DOK5: variants seen among roughly 807,000 people sequenced by gnomAD.
The protein encoded by DOK5 is docking protein 5.
In DOK5, 27 loss-of-function variants were observed where a neutral mutation model predicts 43.3. The observed-to-expected ratio is 0.62, with a 90% CI of 0.46 to 0.86. The LOEUF (loss-of-function observed/expected upper bound fraction) is 0.86, where lower values mean the gene tolerates loss of function less well. DOK5 is among the 40% of genes least tolerant of loss of function. The pLI, the probability that DOK5 is intolerant of heterozygous loss-of-function variation, is 0.00. For missense variants in DOK5, 373 were observed against 392.9 expected, an observed-to-expected ratio of 0.95 and a Z score of 0.43; for synonymous variants, 146 against 140.1, an observed-to-expected ratio of 1.04 and a Z score of -0.30.
intron 5 of DOK5, among the ~76,000 whole-genome samples, chr20:54,597,214 C>T (rs1476161525): frequency 2.0e-5 from 3 of 152,118 alleles, no homozygotes; most frequent in Non-Finnish European, 4.4e-5. Flanking sequence ...ACAATAGTGC[C>T]GATTTCCAGA....
intron 1 of DOK5, among the ~76,000 whole-genome samples, chr20:54,488,733 C>A (rs968250184): frequency 1.4e-4 from 20 of 147,628 alleles, no homozygotes; most frequent in Admixed American, 1.4e-4. Context: ...TGCTTATGTG[C>A]TTTTCCTCCC....
chr20:54,623,572 T>TTTTTTA (rs1409050759), intron 6 of DOK5, among the ~76,000 whole-genome samples: 4 of 152,080 alleles, frequency 2.6e-5, no homozygotes, highest in African/African-American at 4.8e-5. Flanking sequence ...GATTTCGTCT[T>TTTTTTA]TTTTTATTTT....
At chr20:54,485,921 C>A (rs777178958) in intron 1 of DOK5, among the ~76,000 whole-genome samples, 4 of 152,136 alleles carry the variant, frequency 2.6e-5, no homozygotes, top group Admixed American at 6.5e-5. Context: ...TGTTGAGCAT[C>A]TTTTCATGTT....
rs532846567 is a variant in DOK5 at position 54,540,624 on chromosome 20, T to C, written c.67-14309T>C. On this transcript the variant is annotated intron_variant, in intron 1 of 7. Coordinates refer to ENST00000262593, the MANE Select transcript of DOK5 (RefSeq NM_018431.5). ...CAACCTCCTGGGATCAATTGATCCTTCCCCACCTCAGCCTCCCAAGTAGCT... is the reference window on the plus strand; with the variant it reads ...CAACCTCCTGGGATCAATTGATCCTCCCCCACCTCAGCCTCCCAAGTAGCT... Among the ~76,000 whole-genome samples, 370 of 152,122 alleles carry C rather than the reference T, an allele frequency of 2.4e-3. 1 individual carries two copies. The highest frequency in any genetic ancestry group is 3.7e-3 in the Non-Finnish European group (252 of 67,958).
chr20:54,602,797 C>T (rs575733612), intron 5 of DOK5, among the ~76,000 whole-genome samples: 1 of 152,132 alleles, frequency 6.6e-6, no homozygotes, highest in Non-Finnish European at 1.5e-5. Flanking sequence ...CCTCAGCCTC[C>T]CGAGTAGCTG....
rs758504848 is a variant in DOK5, at chr20:54,476,147, C to G, written c.66+135C>G. 13 of 1,528,354 alleles carry G rather than the reference C, an allele frequency of 8.5e-6. No individual in the cohort carries two copies. The Admixed American group carries it at 1.4e-4, about 17-fold the overall frequency. 94.7% of individuals were successfully genotyped at this position (1,528,354 alleles called of 1,614,324 possible). A position where few individuals can be genotyped will look rare whatever the true frequency, so the allele number is the denominator to read the frequency against. ...GCGCGGTGGCTTTCTCAGCCGAAAC[C>G]CGCGTCTCCGGGGCTGTCACTGTAA... On this transcript the variant is annotated intron_variant, in intron 1 of 7. Transcript: ENST00000262593.
At chr20:54,535,264 C>T (rs1378363344) in intron 1 of DOK5, among the ~76,000 whole-genome samples, 3 of 151,958 alleles carry the variant, frequency 2.0e-5, no homozygotes, top group South Asian at 4.2e-4. Flanking sequence ...CCCCTTCTGC[C>T]CTTTTCTGGC....
At chr20:54,479,515 G>A (rs528270327) in intron 1 of DOK5, among the ~76,000 whole-genome samples, 2 of 152,312 alleles carry the variant, frequency 1.3e-5, no homozygotes, top group South Asian at 2.1e-4. Context: ...GACTTAGATA[G>A]CATCATATAA....
At chr20:54,630,657 C>T (rs1978521390) in intron 6 of DOK5, among the ~76,000 whole-genome samples, 1 of 152,128 alleles carries the variant, frequency 6.6e-6, no homozygotes, top group Non-Finnish European at 1.5e-5. Context: ...TTTTTACGAT[C>T]GTTTCATATC....
intron 1 of DOK5, among the ~76,000 whole-genome samples, chr20:54,522,315 C>T (rs917438504): frequency 2.6e-5 from 4 of 152,104 alleles, no homozygotes; most frequent in South Asian, 4.1e-4. Flanking sequence ...GACCATGGGT[C>T]GCAGGTTAGA....
At chr20:54,568,368 C>T (rs1362918924) in intron 2 of DOK5, among the ~76,000 whole-genome samples, 8 of 152,180 alleles carry the variant, frequency 5.3e-5, no homozygotes, top group Admixed American at 4.6e-4. Context: ...AACACTTAAA[C>T]ATAATCCAAG....
chr20:54,617,973 G>C (rs1398625583), intron 6 of DOK5, among the ~76,000 whole-genome samples: 2 of 152,072 alleles, frequency 1.3e-5, no homozygotes. Flanking sequence ...AGATTCATTT[G>C]TTCACTCTCA....
chr20:54,601,397 A>G (rs889223766), intron 5 of DOK5, among the ~76,000 whole-genome samples: 1 of 152,258 alleles, frequency 6.6e-6, no homozygotes, highest in Non-Finnish European at 1.5e-5. Flanking sequence ...GACAGATCAT[A>G]TCATAAAGCA....
Position 54,558,435 on chromosome 20 carries a change from C to T in DOK5, c.174+3395C>T, listed in dbSNP as rs535980615. The stretch of plus-strand genomic sequence containing the variant: ...AATGGAAGAATTATCTACATTTAGC[C>T]TCCAAGCCCTTGATGAATTCCTGTA... On this transcript the variant is annotated intron_variant, in intron 2 of 7. Transcript: ENST00000262593. 2.0e-5 allele frequency among the ~76,000 whole-genome samples: 3 copies of T among 152,252 alleles called. No homozygotes were observed. The East Asian group carries it at 5.8e-4, about 29-fold the overall frequency.
chr20:54,533,922 C>T (rs1013629431), intron 1 of DOK5, among the ~76,000 whole-genome samples: 11 of 151,942 alleles, frequency 7.2e-5, no homozygotes, highest in Non-Finnish European at 1.3e-4. Flanking sequence ...TTTCAGCTAG[C>T]AGTATTTATA....
In DOK5 at chr20:54,546,506, G is replaced by A. The variant is rs189210567; in HGVS notation, c.67-8427G>A. 5.7e-3 allele frequency among the ~76,000 whole-genome samples: 868 copies of A among 151,810 alleles called. 7 individuals are homozygous for A. Among genetic ancestry groups the A allele is most frequent in the South Asian group, 0.026 (126 of 4,796 alleles). On this transcript the variant is annotated intron_variant, in intron 1 of 7. Coordinates refer to ENST00000262593, the MANE Select transcript of DOK5 (RefSeq NM_018431.5). ...GTTGGTGTGCTGCACCCATTAACTC[G>A]TCATTTACATTAGGTATATCTCCTA...
chr20:54,603,977 T>C (rs1385197996), intron 5 of DOK5, among the ~76,000 whole-genome samples: 23 of 140,024 alleles, frequency 1.6e-4, no homozygotes, highest in African/African-American at 2.3e-4. Context: ...GACGGAGTCT[T>C]GCTCTGTCGC....
intron 5 of DOK5, among the ~76,000 whole-genome samples, chr20:54,602,863 G>A (rs1568805024): frequency 3.3e-5 from 5 of 152,014 alleles, no homozygotes; most frequent in Non-Finnish European, 7.4e-5. Flanking sequence ...TAGTAGAGAT[G>A]GGGTTTCATC....
At chr20:54,579,515 C>T (rs1343367887) in intron 2 of DOK5, among the ~76,000 whole-genome samples, 1 of 152,000 alleles carries the variant, frequency 6.6e-6, no homozygotes. Flanking sequence ...TTTTAAATCA[C>T]GTGTGACTAG....
Sources: allele counts gnomAD v4.1 joint callset (sites outside exome capture counted in the v4.1 genomes callset), GRCh38; gene constraint gnomAD v4.1.1; transcripts MANE v1.5; gene names NCBI Gene and HGNC (gene_info 2026-07-23, HGNC 2026-07-21).